Variants in RALYL observed in about 807,000 individuals in gnomAD.
The protein encoded by RALYL is RNA-binding Raly-like protein.
A neutral mutation model predicts 35.1 loss-of-function variants in RALYL; 29 were observed. The ratio of observed to expected loss-of-function variants is 0.83; its 90% confidence interval spans 0.61 to 1.13. The LOEUF is 1.13. Ranked by LOEUF, RALYL falls within the 50% of genes most tolerant of loss-of-function variation. RALYL has a pLI of 0.00. For missense variants in RALYL, 359 were observed against 360.4 expected, an observed-to-expected ratio of 1.00 and a Z score of 0.03; for synonymous variants, 120 against 127.6, an observed-to-expected ratio of 0.94 and a Z score of 0.40.
intron 2 of RALYL, among the ~76,000 whole-genome samples, chr8:84,684,180 G>A (rs1836266037): frequency 6.6e-6 from 1 of 152,128 alleles, no homozygotes; most frequent in South Asian, 2.1e-4. Flanking sequence ...TCCTAACTTT[G>A]TATGGAGTTG....
At chr8:84,914,430 AC>A (rs1848107006) in intron 8 of RALYL, among the ~76,000 whole-genome samples, 1 of 152,068 alleles carries the variant, frequency 6.6e-6, no homozygotes, top group South Asian at 2.1e-4. Context: ...TATCAATGCA[AC>A]TAGTTAAATA....
chr8:84,638,679 A>G (rs915322003), intron 2 of RALYL, among the ~76,000 whole-genome samples: 5 of 150,610 alleles, frequency 3.3e-5, no homozygotes, highest in African/African-American at 1.2e-4. Flanking sequence ...GTTCTGAGAA[A>G]GTCTGTCCTC....
Position 84,304,319 on chromosome 8 carries a change from G to A in RALYL, c.-24+119895G>A, listed in dbSNP as rs892753365. Among the ~76,000 whole-genome samples, 26 of 152,006 alleles carry A rather than the reference G, an allele frequency of 1.7e-4. No individual in the cohort carries two copies. In the South Asian group the frequency reaches 3.5e-3, roughly 21 times the overall value. On this transcript the variant is annotated intron_variant, in intron 1 of 8. Coordinates refer to ENST00000521268, the MANE Select transcript of RALYL (RefSeq NM_173848.7). The stretch of plus-strand genomic sequence containing the variant: ...TTTTTAGTAGAGATGAGGTTTCACC[G>A]TGTTAGTCAGGGTGGTCTCGATCTC...
chr8:84,309,601 T>C (rs1842380513), intron 1 of RALYL, among the ~76,000 whole-genome samples: 5 of 152,088 alleles, frequency 3.3e-5, no homozygotes, highest in African/African-American at 9.7e-5. Flanking sequence ...AATATATTCA[T>C]AGACCAAAAC....
intron 1 of RALYL, among the ~76,000 whole-genome samples, chr8:84,499,203 A>T (rs1415295502): frequency 6.6e-6 from 1 of 151,926 alleles, no homozygotes; most frequent in African/African-American, 2.4e-5. Context: ...TTCAGTGAAC[A>T]TTGTACCCAA....
At chr8:84,648,249 A>G (rs1044070252) in intron 2 of RALYL, among the ~76,000 whole-genome samples, 8 of 152,138 alleles carry the variant, frequency 5.3e-5, no homozygotes, top group Admixed American at 1.3e-4. Context: ...TTCATTAGCA[A>G]TTAGAAAACA....
intron 4 of RALYL, among the ~76,000 whole-genome samples, chr8:84,820,451 G>A (rs1424618225): frequency 3.9e-5 from 6 of 152,128 alleles, no homozygotes; most frequent in Admixed American, 3.9e-4. Flanking sequence ...AAAGCTTTGG[G>A]AGGTGCATTA....
intron 7 of RALYL, among the ~76,000 whole-genome samples, chr8:84,878,877 G>A (rs1841686478): frequency 6.6e-6 from 1 of 152,060 alleles, no homozygotes; most frequent in Non-Finnish European, 1.5e-5. Flanking sequence ...AGTTTTCCTA[G>A]GTCATCTGTA....
chr8:84,449,672 T>A (rs2049240110), intron 1 of RALYL, among the ~76,000 whole-genome samples: 1 of 152,030 alleles, frequency 6.6e-6, no homozygotes, highest in African/African-American at 2.4e-5. Context: ...GAATGGATGT[T>A]TAGTAAATCT....
At chr8:84,809,674 G>A (rs887306951) in intron 4 of RALYL, among the ~76,000 whole-genome samples, 1 of 151,988 alleles carries the variant, frequency 6.6e-6, no homozygotes, top group African/African-American at 2.4e-5. Context: ...TTGTTGGTCT[G>A]TTCAGGGTAT....
rs139319457 is a variant in RALYL, at chr8:84,724,098, C to A, written c.257-50481C>A. Among the ~76,000 whole-genome samples, 12 of 151,870 alleles carry A rather than the reference C, an allele frequency of 7.9e-5. No individual in the cohort carries two copies. In the East Asian group the frequency reaches 1.5e-3, roughly 20 times the overall value. ...GTCTGTTTTTATTATACTTTTAAAA[C>A]TTCTGCTTATATTCAGTAATGAAAC... On this transcript the variant is annotated intron_variant, in intron 2 of 8. Coordinates refer to ENST00000521268, the MANE Select transcript of RALYL (RefSeq NM_173848.7).
chr8:84,548,831 G>A (rs2060530741), intron 2 of RALYL, among the ~76,000 whole-genome samples: 1 of 151,516 alleles, frequency 6.6e-6, no homozygotes, highest in South Asian at 2.1e-4. Context: ...TGTTCAACTT[G>A]GAATTTATTC....
At chr8:84,551,093 CTA>C (rs1214398633) in intron 2 of RALYL, among the ~76,000 whole-genome samples, 4 of 151,560 alleles carry the variant, frequency 2.6e-5, no homozygotes, top group African/African-American at 4.8e-5. Context: ...CTGAATAACT[CTA>C]GTTTTTAAAA....
At chr8:84,348,665 C>T (rs1850298903) in intron 1 of RALYL, among the ~76,000 whole-genome samples, 1 of 152,040 alleles carries the variant, frequency 6.6e-6, no homozygotes, top group South Asian at 2.1e-4. Flanking sequence ...AAACCATATT[C>T]CAGCAGTTTC....
intron 1 of RALYL, among the ~76,000 whole-genome samples, chr8:84,470,624 G>A (rs2052606780): frequency 6.6e-6 from 1 of 152,134 alleles, no homozygotes; most frequent in Admixed American, 6.6e-5. Context: ...CCTATTGTGA[G>A]GTACATCAGA....
chr8:84,621,285 A>T (rs763851929), intron 2 of RALYL, among the ~76,000 whole-genome samples: 1 of 152,082 alleles, frequency 6.6e-6, no homozygotes, highest in Non-Finnish European at 1.5e-5. Flanking sequence ...CAGGTGCAGG[A>T]TATAATCTCG....
At chr8:84,417,683 G>A (rs1377170105) in intron 1 of RALYL, among the ~76,000 whole-genome samples, 4 of 152,010 alleles carry the variant, frequency 2.6e-5, no homozygotes, top group Non-Finnish European at 5.9e-5. Flanking sequence ...TTTTAGGCTA[G>A]ATTTCCCACA....
chr8:84,284,085 T>G (rs1443727803), intron 1 of RALYL, among the ~76,000 whole-genome samples: 3 of 152,114 alleles, frequency 2.0e-5, no homozygotes, highest in African/African-American at 7.2e-5. Context: ...ACAAATCAAA[T>G]AGGCGGACAT....
At chr8:84,386,104 C>T (rs976023503) in intron 1 of RALYL, among the ~76,000 whole-genome samples, 3 of 151,744 alleles carry the variant, frequency 2.0e-5, no homozygotes, top group East Asian at 1.9e-4. Flanking sequence ...ATTAGATCAC[C>T]AGGTCACTGC....
Sources: gnomAD v4.1 joint callset for allele counts (sites outside exome capture counted in the v4.1 genomes callset) on GRCh38, gnomAD v4.1.1 for gene constraint, MANE v1.5 for transcripts, NCBI Gene and HGNC (gene_info 2026-07-23, HGNC 2026-07-21) for gene names.